Variants in TMEFF2 observed in about 807,000 individuals in gnomAD.
TMEFF2 encodes tomoregulin-2.
In TMEFF2, 28 loss-of-function variants were observed where a neutral mutation model predicts 53.8. The ratio of observed to expected loss-of-function variants is 0.52; its 90% CI spans 0.39 to 0.71. TMEFF2 has a LOEUF of 0.71. Ranked by LOEUF, TMEFF2 falls within the 30% of genes least tolerant of loss-of-function variation. TMEFF2 has a pLI of 0.00. For missense variants in TMEFF2, 353 were observed against 455.2 expected (o/e 0.78, Z 2.04); for synonymous variants, 162 against 166.3 (o/e 0.97, Z 0.20).
At chr2:192,011,872 A>AT (rs1281790288) in intron 5 of TMEFF2, among the ~76,000 whole-genome samples, 2 of 152,002 alleles carry the variant, frequency 1.3e-5, no homozygotes, top group African/African-American at 2.4e-5. Flanking sequence ...AATTCAAAAT[A>AT]TTTTTTATTT....
chr2:192,161,401 C>T (rs183506797), intron 4 of TMEFF2, among the ~76,000 whole-genome samples: 241 of 152,250 alleles, frequency 1.6e-3, no homozygotes, highest in Non-Finnish European at 2.9e-3. Context: ...GGTCTGCCCT[C>T]CTCGGCCTCC....
At chr2:192,110,891 G>A (rs1246684855) in intron 4 of TMEFF2, among the ~76,000 whole-genome samples, 2 of 152,134 alleles carry the variant, frequency 1.3e-5, no homozygotes, top group Non-Finnish European at 2.9e-5. Context: ...TCATGGTACT[G>A]AATAAGTCTC....
chr2:192,108,448 G>T (rs1212568547), intron 4 of TMEFF2, among the ~76,000 whole-genome samples: 2 of 151,764 alleles, frequency 1.3e-5, no homozygotes, highest in Non-Finnish European at 2.9e-5. Context: ...CTTTTTCCAG[G>T]TCATTGTGCT....
intron 7 of TMEFF2, among the ~76,000 whole-genome samples, chr2:191,960,219 G>A (rs771455602): frequency 4.6e-5 from 7 of 152,130 alleles, no homozygotes; most frequent in Non-Finnish European, 1.0e-4. Flanking sequence ...CCAACCCAGA[G>A]TCCCAGGTGC....
chr2:192,005,753 T>C (rs1349079905), intron 5 of TMEFF2, among the ~76,000 whole-genome samples: 1 of 152,186 alleles, frequency 6.6e-6, no homozygotes, highest in Non-Finnish European at 1.5e-5. Flanking sequence ...GTCAGATCTG[T>C]AATGGATGAA....
At chr2:192,114,587 C>A (rs1689356482) in intron 4 of TMEFF2, among the ~76,000 whole-genome samples, 3 of 151,730 alleles carry the variant, frequency 2.0e-5, no homozygotes, top group Admixed American at 2.0e-4. Flanking sequence ...TGAGCAAATT[C>A]ACTAAAATTG....
intron 1 of TMEFF2, among the ~76,000 whole-genome samples, chr2:192,192,208 A>C (rs945513526): frequency 6.6e-6 from 1 of 152,124 alleles, no homozygotes; most frequent in Non-Finnish European, 1.5e-5. Flanking sequence ...ATTCTCCTTT[A>C]GTATCCTTTT....
intron 4 of TMEFF2, among the ~76,000 whole-genome samples, chr2:192,145,954 C>T (rs1429196726): frequency 6.6e-6 from 1 of 151,984 alleles, no homozygotes; most frequent in Non-Finnish European, 1.5e-5. Flanking sequence ...AACTTAATTG[C>T]TTCAGTGAAC....
chr2:192,070,022 A>G (rs371647326), intron 4 of TMEFF2, among the ~76,000 whole-genome samples: 72,556 of 116,190 alleles, frequency 0.62, 22,365 homozygotes, highest in East Asian at 0.91. Context: ...ATATATATAT[A>G]TATATATATA....
At chr2:191,974,485 A>G (rs1692743020) in intron 7 of TMEFF2, among the ~76,000 whole-genome samples, 1 of 152,094 alleles carries the variant, frequency 6.6e-6, no homozygotes, top group Non-Finnish European at 1.5e-5. Flanking sequence ...TTTTGCTATA[A>G]AAGCAATTCA....
rs566967190 is a variant in TMEFF2 at position 192,127,747 on chromosome 2, A to G, written c.439+51921T>C. On this transcript the variant is annotated intron_variant, in intron 4 of 9. Coordinates refer to ENST00000272771, the MANE Select transcript of TMEFF2 (RefSeq NM_016192.4). ...CTTAAATCTTAAATAAGTTAGTTCAATAAGTCGTGACAATTTTAAGTAATA... is the reference window on the plus strand; with the variant it reads ...CTTAAATCTTAAATAAGTTAGTTCAGTAAGTCGTGACAATTTTAAGTAATA... Among the ~76,000 whole-genome samples, 5 of 152,340 alleles carry G rather than the reference A, an allele frequency of 3.3e-5. No homozygotes were observed. In the South Asian group the frequency reaches 8.3e-4, roughly 25 times the overall value.
At chr2:192,170,231 C>A (rs547257288) in intron 4 of TMEFF2, among the ~76,000 whole-genome samples, 1 of 152,134 alleles carries the variant, frequency 6.6e-6, no homozygotes, top group South Asian at 2.1e-4. Context: ...GTCCTTTCAA[C>A]GAGTTGCCAC....
At chr2:192,053,367 C>T (rs1687820627) in intron 5 of TMEFF2, among the ~76,000 whole-genome samples, 1 of 152,150 alleles carries the variant, frequency 6.6e-6, no homozygotes, top group Non-Finnish European at 1.5e-5. Context: ...GATTTATCTT[C>T]ATCTTGAAAG....
intron 4 of TMEFF2, among the ~76,000 whole-genome samples, chr2:192,151,934 T>C (rs1325698124): frequency 6.6e-6 from 1 of 151,784 alleles, no homozygotes; most frequent in Admixed American, 6.6e-5. Flanking sequence ...AGATGTTCCA[T>C]GTTGGCTAAG....
At chr2:192,123,132 A>C (rs1689597642) in intron 4 of TMEFF2, among the ~76,000 whole-genome samples, 1 of 152,144 alleles carries the variant, frequency 6.6e-6, no homozygotes, top group Non-Finnish European at 1.5e-5. Flanking sequence ...AACCTTTGGC[A>C]AGTTGTAGTT....
chr2:192,070,016 A>G (rs1313560432), intron 4 of TMEFF2, among the ~76,000 whole-genome samples: 653 of 17,950 alleles, frequency 0.036, 23 homozygotes, highest in South Asian at 0.17. Flanking sequence ...ATATATATAT[A>G]TATATATATA....
chr2:192,113,306 C>T (rs1689327145), intron 4 of TMEFF2, among the ~76,000 whole-genome samples: 1 of 152,098 alleles, frequency 6.6e-6, no homozygotes, highest in Admixed American at 6.6e-5. Context: ...GTTGAGTAGA[C>T]AAGTCTGCAT....
intron 4 of TMEFF2, among the ~76,000 whole-genome samples, chr2:192,126,092 C>A (rs923780066): frequency 6.6e-5 from 10 of 152,180 alleles, no homozygotes; most frequent in South Asian, 2.1e-4. Context: ...TACTCAAATG[C>A]AAGTGAAAAA....
chr2:192,165,734 G>T (rs1186372781), intron 4 of TMEFF2, among the ~76,000 whole-genome samples: 2 of 132,590 alleles, frequency 1.5e-5, no homozygotes, highest in African/African-American at 3.1e-5. Context: ...GCATAGTCTT[G>T]TCTCCGAGGT....
Sources: gnomAD v4.1 joint callset for allele counts (sites outside exome capture counted in the v4.1 genomes callset) on GRCh38, gnomAD v4.1.1 for gene constraint, MANE v1.5 for transcripts, NCBI Gene and HGNC (gene_info 2026-07-23, HGNC 2026-07-21) for gene names.